The following COL6A3 variants were observed in gnomAD, a reference collection of about 807,000 sequenced individuals.
COL6A3 encodes collagen alpha-3(VI) chain.
COL6A3 carries 137 observed loss-of-function variants against 274.1 expected under a neutral mutation model. The ratio of observed to expected loss-of-function variants is 0.50; its 90% confidence interval spans 0.44 to 0.58. The LOEUF (loss-of-function observed/expected upper bound fraction) is 0.58, where lower values mean the gene tolerates loss of function less well. COL6A3 is among the 20% of genes least tolerant of loss of function. The probability of loss-of-function intolerance (pLI) is 0.00; values close to 1 mark genes in which losing one functional copy is unlikely to be tolerated. For missense variants in COL6A3, 3,950 were observed against 4,124.9 expected, an observed-to-expected ratio of 0.96 and a Z score of 1.16; for synonymous variants, 1,650 against 1,650.6, an observed-to-expected ratio of 1.00 and a Z score of 0.01.
chr2:237,340,732 T>C lies in COL6A3; in HGVS notation c.8184A>G (p.Glu2728=), dbSNP rs2106319613. The part of the protein sequence containing the change: ...AIEYTIENVF[E]SAPNPRDLKI... ...TCAGGTCCCGTGGGTTTGGGGCACT[T>C]TCAAAGACATTCTCTATGGTGTATT... is the stretch of plus-strand genomic sequence containing the variant. The change falls in exon 38 of 44, where the codon GAA becomes GAG. Residue 2728 remains glutamate, a synonymous_variant. Coordinates refer to ENST00000295550, the MANE Select transcript of COL6A3 (RefSeq NM_004369.4). The C allele has an allele frequency of 6.2e-7, 1 of 1,614,154 alleles. No homozygotes were observed. Among genetic ancestry groups the C allele is most frequent in the African/African-American group, 1.3e-5 (1 of 75,046 alleles).
chr2:237,354,708 C>T (rs2077279334), intron 24 of COL6A3, among the ~76,000 whole-genome samples, 191 bp downstream of exon 24: 1 of 152,172 alleles, frequency 6.6e-6, no homozygotes, highest in South Asian at 2.1e-4. Context: ...ACACCTTGGG[C>T]AGGTGTCATC....
intron 1 of COL6A3, among the ~76,000 whole-genome samples, chr2:237,408,360 G>T (rs555399683): frequency 6.6e-6 from 1 of 152,170 alleles, no homozygotes; most frequent in Non-Finnish European, 1.5e-5. Context: ...TCTTCCATCT[G>T]TTGCCCTGGG....
chr2:237,366,783 C>A lies in COL6A3; in HGVS notation c.5404G>T (p.Val1802Phe). The part of the protein sequence containing the change: ...NSATAFRVGN[V>F]QELSELSEQV... ...TCGCTCAGTTCGGACAGCTCCTGGACGTTGCCCACGCGGAACGCTGTGGCG... is the reference window on the plus strand; with the variant it reads ...TCGCTCAGTTCGGACAGCTCCTGGAAGTTGCCCACGCGGAACGCTGTGGCG... Residue 1802 changes from valine to phenylalanine, a missense_variant, in exon 11 of 44, where the codon GTC (valine) becomes TTC (phenylalanine). Val to Phe is a conservative substitution (Grantham distance 50, BLOSUM62 -1). Around this residue, in one of 5 missense-constraint regions of COL6A3, gnomAD observed 632 missense variants for 623.4 expected, o/e 1.01. Coordinates refer to ENST00000295550, the MANE Select transcript of COL6A3 (RefSeq NM_004369.4). The A allele has an allele frequency of 6.2e-7, 1 of 1,614,284 alleles. No homozygotes were observed. The highest frequency in any genetic ancestry group is 8.5e-7 in the Non-Finnish European group (1 of 1,180,052).
At position 237,366,687 on chromosome 2, in the gene COL6A3, C is replaced by T; in HGVS notation, c.5500G>A (p.Ala1834Thr). ...LCPGVTDAAK[A>T]CNLDVILGFD... ...AAAATATGCACATAATGGGAGTTACCTTTGGCAGCATCAGTTACACCAGGG... is the reference window on the plus strand; with the variant it reads ...AAAATATGCACATAATGGGAGTTACTTTTGGCAGCATCAGTTACACCAGGG... Residue 1834 changes from alanine to threonine, a missense_variant and splice_region_variant, in exon 11 of 44, where the codon GCT becomes ACT. This residue lies in a region of COL6A3 where 632 missense variants were observed against 623.4 expected (regional missense o/e 1.01). Coordinates refer to ENST00000295550, the MANE Select transcript of COL6A3 (RefSeq NM_004369.4). 1.2e-6 allele frequency: 2 copies of T among 1,614,224 alleles called. No individual in the cohort carries two copies. Among genetic ancestry groups the T allele is most frequent in the Non-Finnish European group, 1.7e-6 (2 of 1,180,044 alleles).
At chr2:237,333,138 C>T (rs1298177684) in intron 42 of COL6A3, 1 of 430,602 alleles carries the variant, frequency 2.3e-6, no homozygotes, top group Non-Finnish European at 4.3e-6. Flanking sequence ...CACAGCATCA[C>T]AGACCACAAA....
chr2:237,341,225 G>T (rs745354138), intron 37 of COL6A3, 75 bp from the exon 38 acceptor site: 16 of 1,389,350 alleles, frequency 1.2e-5, no homozygotes, highest in Admixed American at 1.0e-4. Context: ...TCTGCTGGGA[G>T]ACTTGGGCGA....
chr2:237,361,928 G>T lies in COL6A3; in HGVS notation c.6064-97C>A. The T allele has an allele frequency of 9.6e-7, 1 of 1,041,874 alleles. No individual in the cohort carries two copies. Among genetic ancestry groups the T allele is most frequent in the Non-Finnish European group, 1.5e-6 (1 of 668,096 alleles). 64.5% of individuals were successfully genotyped at this position (1,041,874 alleles called of 1,614,324 possible). Reference sequence around the variant, plus strand: ...AAGGGTCAAAATCGGATGTGTGGGGGTTTCACGGTGTGAGATGAAGTCCCT... The same window carrying T: ...AAGGGTCAAAATCGGATGTGTGGGGTTTTCACGGTGTGAGATGAAGTCCCT... On this transcript the variant is annotated intron_variant, in intron 14 of 43. Transcript: ENST00000295550. The surrounding 1 kb of genome is among the most constrained non-coding windows in gnomAD (Gnocchi z 5.1).
intron 1 of COL6A3, 43 bp from the exon 2 acceptor site, chr2:237,396,890 T>A (rs374990871): frequency 1.5e-6 from 2 of 1,378,254 alleles, no homozygotes; most frequent in Non-Finnish European, 2.1e-6. Flanking sequence ...AGTTTTTGAC[T>A]CTCATTATGC....
intron 1 of COL6A3, among the ~76,000 whole-genome samples, chr2:237,401,434 A>T (rs958739939): frequency 6.6e-6 from 1 of 151,250 alleles, no homozygotes; most frequent in African/African-American, 2.4e-5. Flanking sequence ...TCCTTGGTTA[A>T]GTATATATAT....
chr2:237,324,853 G>C lies in COL6A3; in HGVS notation c.9494-39C>G, dbSNP rs1309105618. Reference sequence around the variant, plus strand: ...GAGGGGGTGGGTGGGGTGAGGTGAGGAGCCGAGAGAAGAGAGGAAAAGCCA... The same window carrying C: ...GAGGGGGTGGGTGGGGTGAGGTGAGCAGCCGAGAGAAGAGAGGAAAAGCCA... On this transcript the variant is annotated intron_variant, in intron 43 of 43. Coordinates refer to ENST00000295550, the MANE Select transcript of COL6A3 (RefSeq NM_004369.4). 5.0e-6 allele frequency: 8 copies of C among 1,608,958 alleles called. No individual in the cohort carries two copies. The East Asian group carries it at 1.6e-4, about 31-fold the overall frequency.
chr2:237,340,437 C>A lies in COL6A3; in HGVS notation c.8464+15G>T. ...AAGCCAGGCCAGGGCACATGCTGTG[C>A]CACGCAGGACTTACTGCTGACGAAG... On this transcript the variant is annotated intron_variant, in intron 38 of 43. Transcript: ENST00000295550. 1 of 1,608,884 alleles carries A rather than the reference C, an allele frequency of 6.2e-7. No homozygotes were observed. Among genetic ancestry groups the A allele is most frequent in the Non-Finnish European group, 8.5e-7 (1 of 1,179,242 alleles).
In COL6A3 at chr2:237,336,234, C is replaced by CG. The variant is rs1700537993; in HGVS notation, c.8865dup (p.Ala2956ArgfsTer13). The CG allele has an allele frequency of 6.2e-7, 1 of 1,613,240 alleles. No individual in the cohort carries two copies. Among genetic ancestry groups the CG allele is most frequent in the Non-Finnish European group, 8.5e-7 (1 of 1,179,434 alleles). On this transcript the variant is annotated frameshift_variant, in exon 40 of 44. Coordinates refer to ENST00000295550, the MANE Select transcript of COL6A3 (RefSeq NM_004369.4). LOFTEE classifies it high-confidence loss of function. Reference sequence around the variant, plus strand: ...GCCACTGGTTTTGCAGCAGCAGCAGCGGGGGGTCTTACAGCTGCTGGCTTT... The same window carrying CG: ...GCCACTGGTTTTGCAGCAGCAGCAGCGGGGGGGTCTTACAGCTGCTGGCTTT...
At chr2:237,350,278 C>CTTTT in intron 27 of COL6A3, 69 bp from the exon 28 acceptor site, 1 of 1,479,236 alleles carries the variant, frequency 6.8e-7, no homozygotes, top group South Asian at 1.1e-5. Context: ...CCAAGCCATG[C>CTTTT]TTTTGCTCTA....
At chr2:237,402,292 T>C (rs1243613586) in intron 1 of COL6A3, among the ~76,000 whole-genome samples, 1 of 152,170 alleles carries the variant, frequency 6.6e-6, no homozygotes, top group Non-Finnish European at 1.5e-5. Flanking sequence ...CAAAAAGTTA[T>C]AGATATTTGT....
chr2:237,381,408 A>C lies in COL6A3; in HGVS notation c.1404T>G (p.Ile468Met), dbSNP rs1219320101. ...TTTCCAGCCTCTGGATGACTTTAGC[A>C]ATGAAGTCTCGGATGGCATTGAAGT... ...LANFNAIRDF[I>M]AKVIQRLEIG... Residue 468 changes from isoleucine (I) to methionine (M), a missense_variant, in exon 5 of 44, where the codon ATT becomes ATG. Physicochemically the swap from Ile to Met is conservative, Grantham distance 10. This residue lies in a region of COL6A3 where 1,934 missense variants were observed against 1,984.3 expected (regional missense o/e 0.97). Transcript: ENST00000295550. 1.2e-6 allele frequency: 2 copies of C among 1,613,836 alleles called. No homozygotes were observed. Among genetic ancestry groups the C allele is most frequent in the Admixed American group, 3.3e-5 (2 of 60,022 alleles).
rs185274688 is a variant in COL6A3 at position 237,382,821 on chromosome 2, T to C, written c.1313-1322A>G. On this transcript the variant is annotated intron_variant, in intron 4 of 43. Transcript: ENST00000295550. The stretch of plus-strand genomic sequence containing the variant: ...TTTTTATTTTAGGACAGAATCTCAC[T>C]CTATCACCCAGGCTGGAGTGCAGTG... Among the ~76,000 whole-genome samples the C allele has an allele frequency of 3.9e-4, 59 of 152,324 alleles. No homozygotes were observed. The East Asian group carries it at 8.7e-3, about 22-fold the overall frequency.
At chr2:237,401,813 T>C (rs1158728945) in intron 1 of COL6A3, among the ~76,000 whole-genome samples, 8 of 151,778 alleles carry the variant, frequency 5.3e-5, no homozygotes, top group Non-Finnish European at 1.0e-4. Flanking sequence ...GCCTCCTGAG[T>C]AAATGGGACT....
intron 1 of COL6A3, 27 bp from the exon 2 acceptor site, chr2:237,396,874 A>G: frequency 6.5e-7 from 1 of 1,533,232 alleles, no homozygotes; most frequent in Non-Finnish European, 9.0e-7. Context: ...GGCAAAGGGA[A>G]TGATCAGTTT....
intron 21 of COL6A3, among the ~76,000 whole-genome samples, chr2:237,358,223 A>G (rs908177339): frequency 2.0e-5 from 3 of 152,242 alleles, no homozygotes; most frequent in African/African-American, 7.2e-5. Context: ...ACAGAGACAC[A>G]AAATGAGAAA....
Sources: gnomAD v4.1 joint callset for allele counts (sites outside exome capture counted in the v4.1 genomes callset) on GRCh38, gnomAD v4.1.1 for gene constraint, gnomAD v4.1.1 regional missense constraint, Gnocchi (gnomAD v3.1) non-coding constraint, MANE v1.5 for transcripts, NCBI Gene and HGNC (gene_info 2026-07-23, HGNC 2026-07-21) for gene names.